The following CAAP1 variants were observed in gnomAD, a reference collection of about 807,000 sequenced individuals.
CAAP1 encodes the protein conserved anti-apoptotic protein.
Under a neutral mutation model 34.0 loss-of-function variants are expected in CAAP1, and 20 were observed. The observed-to-expected ratio is 0.59, with a 90% CI of 0.41 to 0.86. The LOEUF (loss-of-function observed/expected upper bound fraction) is 0.86, where lower values mean the gene tolerates loss of function less well. Among genes scored for constraint, CAAP1 ranks in the 40% least tolerant of loss-of-function variants. The probability of loss-of-function intolerance (pLI) is 0.00; values close to 1 mark genes in which losing one functional copy is unlikely to be tolerated. For missense variants in CAAP1, 538 were observed against 450.5 expected, an observed-to-expected ratio of 1.19 and a Z score of -1.76; for synonymous variants, 213 against 166.7, an observed-to-expected ratio of 1.28 and a Z score of -2.14.
intron 5 of CAAP1, among the ~76,000 whole-genome samples, chr9:26,852,922 CA>C (rs574780072): frequency 2.6e-4 from 40 of 152,258 alleles, no homozygotes; most frequent in African/African-American, 9.6e-4. Flanking sequence ...GAAGGAACAG[CA>C]AAAGCAAAGC....
chr9:26,876,865 T>C lies in CAAP1; in HGVS notation c.665+7945A>G, dbSNP rs367879959. Reference sequence around the variant, plus strand: ...ATAGAAGTTTAATACTTTAATTTTATACAATTGGCTGGGTGCAGTGGCTCA... The same window carrying C: ...ATAGAAGTTTAATACTTTAATTTTACACAATTGGCTGGGTGCAGTGGCTCA... On this transcript the variant is annotated intron_variant, in intron 4 of 5. Coordinates refer to ENST00000333916, the MANE Select transcript of CAAP1 (RefSeq NM_024828.4). Among the ~76,000 whole-genome samples, 7 of 152,278 alleles carry C rather than the reference T, an allele frequency of 4.6e-5. No homozygotes were observed. In the East Asian group the frequency reaches 9.7e-4, roughly 21 times the overall value.
chr9:26,870,039 C>CTTTTTTT, intron 4 of CAAP1: 1 of 277,264 alleles, frequency 3.6e-6, no homozygotes, highest in Non-Finnish European at 5.2e-6. Context: ...GAAAGAATAA[C>CTTTTTTT]TTTTTTTTTT....
chr9:26,887,582 C>T (rs1823778876), intron 1 of CAAP1, 69 bp from the exon 2 acceptor site: 2 of 855,404 alleles, frequency 2.3e-6, no homozygotes, highest in Non-Finnish European at 3.5e-6. Context: ...TACATGACAT[C>T]ATACGTTTTC....
chr9:26,868,718 G>C (rs1304912401), intron 4 of CAAP1, among the ~76,000 whole-genome samples: 1 of 152,194 alleles, frequency 6.6e-6, no homozygotes, highest in Non-Finnish European at 1.5e-5. Flanking sequence ...GATACAATCA[G>C]ATAAAGCCAA....
chr9:26,848,539 T>C (rs184061848), intron 5 of CAAP1, among the ~76,000 whole-genome samples: 54 of 152,268 alleles, frequency 3.5e-4, no homozygotes, highest in South Asian at 6.2e-4. Flanking sequence ...ATAGTTCTTA[T>C]ATGTTTGTTT....
intron 4 of CAAP1, 95 bp from the exon 5 acceptor site, chr9:26,861,234 G>A: frequency 1.2e-6 from 1 of 818,708 alleles, no homozygotes; most frequent in South Asian, 1.6e-5. Context: ...CACTAGGGAA[G>A]ACAGGCTACA....
rs776977296 is a variant in CAAP1 at position 26,892,672 on chromosome 9, C to G, written c.44G>C (p.Ser15Thr). The change falls in exon 1 of 6, where the codon AGC (serine) becomes ACC (threonine). Residue 15 changes from serine (S) to threonine (T), a missense_variant. Physicochemically the swap from Ser to Thr is moderately conservative, Grantham distance 58. This residue lies in a region of CAAP1 where 514 missense variants were observed against 408.4 expected (regional missense o/e 1.26). Transcript: ENST00000333916. ...KSSREKRRKR[S>T]SQEAAAALAA... is the part of the protein sequence containing the mutation. ...GAGCGCTGCGGCCGCCTCCTGACTGCTACGTTTGCGCCGTTTCTCCCGGGA... is the reference window on the plus strand; with the variant it reads ...GAGCGCTGCGGCCGCCTCCTGACTGGTACGTTTGCGCCGTTTCTCCCGGGA... 3.7e-6 allele frequency: 6 copies of G among 1,606,104 alleles called. No homozygotes were observed. The African/African-American group carries it at 5.3e-5, about 14-fold the overall frequency.
In CAAP1 at chr9:26,876,475, T is replaced by G. The variant is rs867433798; in HGVS notation, c.665+8335A>C. ...TATCATATATGCATTCTAGAAGGTT[T>G]TTTTTTTTTTTTTTTTGAGATTCCT... On this transcript the variant is annotated intron_variant, in intron 4 of 5. Transcript: ENST00000333916. Among the ~76,000 whole-genome samples the G allele has an allele frequency of 8.7e-3, 1,237 of 141,922 alleles. 20 individuals are homozygous for G. The highest frequency in any genetic ancestry group is 0.036 in the African/African-American group (1,160 of 32,520). 93.1% of individuals were successfully genotyped at this position (141,922 alleles called of 152,430 possible).
At position 26,841,785 on chromosome 9, in the gene CAAP1, ATC is replaced by A. The variant is rs1232665487; in HGVS notation, c.*514_*515del. ...AAAAAGTTTTTCTCAGTCATTTCAG[ATC>A]TCTGTTATTCGGTTTTAACTAGGAA... On this transcript the variant is annotated 3_prime_UTR_variant, in exon 6 of 6. Transcript: ENST00000333916. 1.3e-5 allele frequency: 2 copies of A among 152,586 alleles called. No individual in the cohort carries two copies. Among genetic ancestry groups the A allele is most frequent in the Admixed American group, 6.5e-5 (1 of 15,280 alleles). The allele number at this position is 152,586 out of a possible 1,614,324, so 9.5% of individuals were successfully genotyped here.
At chr9:26,857,722 A>C (rs1822906717) in intron 5 of CAAP1, among the ~76,000 whole-genome samples, 1 of 152,250 alleles carries the variant, frequency 6.6e-6, no homozygotes, top group African/African-American at 2.4e-5. Context: ...GATTATATTT[A>C]CATTTAAATA....
intron 4 of CAAP1, among the ~76,000 whole-genome samples, chr9:26,872,094 T>C (rs971412084): frequency 1.3e-5 from 2 of 152,120 alleles, no homozygotes; most frequent in Non-Finnish European, 2.9e-5. Context: ...TTCAGCAATA[T>C]AAAGAGTGGT....
chr9:26,855,435 C>G (rs949673085), intron 5 of CAAP1, among the ~76,000 whole-genome samples: 15 of 152,016 alleles, frequency 9.9e-5, no homozygotes, highest in African/African-American at 3.6e-4. Context: ...TATCAAAACC[C>G]ACAGAATGTA....
intron 3 of CAAP1, 81 bp from the exon 4 acceptor site, chr9:26,884,966 T>A: frequency 9.5e-7 from 1 of 1,053,770 alleles, no homozygotes; most frequent in South Asian, 1.4e-5. Flanking sequence ...AAGTATAATC[T>A]TTAAAAGTGA....
intron 1 of CAAP1, chr9:26,892,163 C>T (rs1317459274): frequency 9.5e-7 from 1 of 1,049,670 alleles, no homozygotes; most frequent in East Asian, 2.8e-5. Flanking sequence ...GTGGAAGGAG[C>T]CAAGAGTTTA....
At chr9:26,865,434 G>C (rs564314091) in intron 4 of CAAP1, among the ~76,000 whole-genome samples, 65 of 151,962 alleles carry the variant, frequency 4.3e-4, no homozygotes, top group Admixed American at 1.3e-3. Flanking sequence ...TGAGGCAGTA[G>C]AATCACTGGA....
At chr9:26,886,519 T>C (rs571703084) in intron 2 of CAAP1, among the ~76,000 whole-genome samples, 8 of 152,348 alleles carry the variant, frequency 5.3e-5, no homozygotes, top group African/African-American at 1.9e-4. Context: ...TCTTGTATCT[T>C]TAGATATATG....
At chr9:26,891,065 C>T (rs1823893332) in intron 1 of CAAP1, among the ~76,000 whole-genome samples, 1 of 152,222 alleles carries the variant, frequency 6.6e-6, no homozygotes, top group Non-Finnish European at 1.5e-5. Flanking sequence ...TGTTCAACAT[C>T]AACTAACTTA....
chr9:26,874,089 C>T (rs956321031), intron 4 of CAAP1, among the ~76,000 whole-genome samples: 2 of 151,384 alleles, frequency 1.3e-5, no homozygotes, highest in Non-Finnish European at 2.9e-5. Flanking sequence ...CACCTGTGGT[C>T]CCAGCTGCTC....
chr9:26,886,988 G>A (rs1189744793), intron 2 of CAAP1, among the ~76,000 whole-genome samples: 2 of 152,092 alleles, frequency 1.3e-5, no homozygotes, highest in Non-Finnish European at 2.9e-5. Flanking sequence ...GGCCAAGGTG[G>A]GCAGATCACG....
Sources: gnomAD v4.1 joint callset for allele counts (sites outside exome capture counted in the v4.1 genomes callset) on GRCh38, gnomAD v4.1.1 for gene constraint, gnomAD v4.1.1 regional missense constraint, MANE v1.5 for transcripts, NCBI Gene and HGNC (gene_info 2026-07-23, HGNC 2026-07-21) for gene names.